NRXN1: variants seen among roughly 807,000 people sequenced by gnomAD.
NRXN1 encodes neurexin 1.
Under a neutral mutation model 150.9 loss-of-function variants are expected in NRXN1, and 39 were observed. The ratio of observed to expected loss-of-function variants is 0.26; its 90% confidence interval spans 0.20 to 0.34. NRXN1 has a LOEUF of 0.34. Ranked by LOEUF, NRXN1 falls within the 10% of genes least tolerant of loss-of-function variation. The pLI, the probability that NRXN1 is intolerant of heterozygous loss-of-function variation, is 1.00. For missense variants in NRXN1, 1,815 were observed against 1,949.9 expected (o/e 0.93, Z 1.30); for synonymous variants, 924 against 757.0 (o/e 1.22, Z -3.62).
chr2:50,831,172 T>C (rs1317227169), intron 5 of NRXN1, among the ~76,000 whole-genome samples: 2 of 152,044 alleles, frequency 1.3e-5, no homozygotes, highest in East Asian at 1.9e-4. Context: ...AAATAAAGAG[T>C]AGAATGGATA....
intron 2 of NRXN1, among the ~76,000 whole-genome samples, chr2:50,961,669 C>T (rs1020376912): frequency 6.6e-6 from 1 of 151,744 alleles, no homozygotes; most frequent in African/African-American, 2.4e-5. Flanking sequence ...GTAATATCAT[C>T]AATCAGATCA....
intron 8 of NRXN1, among the ~76,000 whole-genome samples, chr2:50,574,740 GT>G (rs1671142988): frequency 6.6e-6 from 1 of 152,160 alleles, no homozygotes; most frequent in Admixed American, 6.5e-5. Flanking sequence ...ACACCATACG[GT>G]AGTATTCTGG....
intron 2 of NRXN1, among the ~76,000 whole-genome samples, chr2:50,946,891 A>G (rs144481252): frequency 6.6e-6 from 1 of 152,292 alleles, no homozygotes; most frequent in East Asian, 1.9e-4. Context: ...TTTGCTGAAT[A>G]TTGCTTAAAC....
intron 2 of NRXN1, among the ~76,000 whole-genome samples, chr2:50,977,834 C>G (rs1261258996): frequency 6.6e-6 from 1 of 151,806 alleles, no homozygotes; most frequent in Non-Finnish European, 1.5e-5. Flanking sequence ...AAAGCACATA[C>G]TGCCTCATTC....
intron 5 of NRXN1, among the ~76,000 whole-genome samples, chr2:50,723,137 A>T (rs1696892167): frequency 6.6e-6 from 1 of 152,114 alleles, no homozygotes; most frequent in African/African-American, 2.4e-5. Flanking sequence ...CTTGGTGTAA[A>T]TCCCTGAAAG....
In NRXN1 at chr2:50,663,427, A is replaced by G. The variant is rs151126413; in HGVS notation, c.833-39812T>C. 2.0e-5 allele frequency among the ~76,000 whole-genome samples: 3 copies of G among 151,634 alleles called. No homozygotes were observed. The East Asian group carries it at 5.9e-4, about 30-fold the overall frequency. On this transcript the variant is annotated intron_variant, in intron 5 of 22. Coordinates refer to ENST00000401669, the MANE Select transcript of NRXN1 (RefSeq NM_001330078.2). The stretch of plus-strand genomic sequence containing the variant: ...TGTTCCCTCTGTTTTCAGTTTATTG[A>G]CCTCCTCTCCATGATCTCTGGTAAC...
Position 50,109,145 on chromosome 2 carries a change from G to C in NRXN1, c.3547-17651C>G, listed in dbSNP as rs1355969905. ...TGATGGATACATTAAAAATTATTAT[G>C]TTATTTTCTTTGTGTTAGAAAATGT... On this transcript the variant is annotated intron_variant, in intron 18 of 22. Coordinates refer to ENST00000401669, the MANE Select transcript of NRXN1 (RefSeq NM_001330078.2). Among the ~76,000 whole-genome samples the C allele has an allele frequency of 2.0e-5, 3 of 152,146 alleles. No individual in the cohort carries two copies. In the East Asian group the frequency reaches 5.8e-4, roughly 29 times the overall value.
At chr2:50,233,066 T>C (rs1043657253) in intron 18 of NRXN1, among the ~76,000 whole-genome samples, 1 of 118,304 alleles carries the variant, frequency 8.5e-6, no homozygotes, top group Non-Finnish European at 1.9e-5. Flanking sequence ...TACTTGACTG[T>C]TAAATAATTG....
chr2:50,342,610 A>G (rs1175605135), intron 17 of NRXN1, among the ~76,000 whole-genome samples: 1 of 152,244 alleles, frequency 6.6e-6, no homozygotes, highest in Non-Finnish European at 1.5e-5. Flanking sequence ...AGCAGAATCA[A>G]TGAAGTAATC....
Position 49,921,634 on chromosome 2 carries a change from C to T in NRXN1, c.*310G>A. The T allele has an allele frequency of 3.1e-6, 1 of 320,584 alleles. No individual in the cohort carries two copies. The highest frequency in any genetic ancestry group is 5.8e-6 in the Non-Finnish European group (1 of 171,876). 19.9% of individuals were successfully genotyped at this position (320,584 alleles called of 1,614,324 possible). On this transcript the variant is annotated 3_prime_UTR_variant, in exon 23 of 23. Transcript: ENST00000401669. ...GCCTTGATGCTGTAGTACTCCTTTGCTTTATGAATGCGTGCGGTCATCACT... is the reference window on the plus strand; with the variant it reads ...GCCTTGATGCTGTAGTACTCCTTTGTTTTATGAATGCGTGCGGTCATCACT...
At chr2:50,297,915 A>G (rs1195982486) in intron 17 of NRXN1, among the ~76,000 whole-genome samples, 1 of 152,180 alleles carries the variant, frequency 6.6e-6, no homozygotes, top group Non-Finnish European at 1.5e-5. Flanking sequence ...AGGATTAGAT[A>G]AAACAAAATC....
chr2:50,891,760 T>C (rs1259153643), intron 5 of NRXN1, among the ~76,000 whole-genome samples: 1 of 152,094 alleles, frequency 6.6e-6, no homozygotes. Flanking sequence ...ACCATAAGCC[T>C]GGATCAGGGT....
chr2:50,907,743 T>C (rs558642645), intron 5 of NRXN1, among the ~76,000 whole-genome samples: 8 of 151,996 alleles, frequency 5.3e-5, no homozygotes, highest in Non-Finnish European at 1.0e-4. Flanking sequence ...TCAAAAAAGA[T>C]AGAAAAGGAA....
chr2:50,971,865 A>C (rs926122892), intron 2 of NRXN1, among the ~76,000 whole-genome samples: 3 of 152,066 alleles, frequency 2.0e-5, no homozygotes, highest in Non-Finnish European at 4.4e-5. Context: ...TCTCTCATTT[A>C]CCTTTAAATA....
intron 16 of NRXN1, among the ~76,000 whole-genome samples, chr2:50,470,874 G>A (rs2089389201): frequency 6.6e-6 from 1 of 151,762 alleles, no homozygotes; most frequent in Non-Finnish European, 1.5e-5. Context: ...ATCTTGGTCT[G>A]ATAGAGAGCA....
intron 18 of NRXN1, among the ~76,000 whole-genome samples, chr2:50,106,970 T>C (rs539543083): frequency 3.3e-5 from 5 of 151,952 alleles, no homozygotes; most frequent in Non-Finnish European, 5.9e-5. Context: ...ACCACCAAAA[T>C]GCACTGATTA....
chr2:50,290,539 A>C (rs1483807550), intron 17 of NRXN1, among the ~76,000 whole-genome samples: 1 of 152,154 alleles, frequency 6.6e-6, no homozygotes, highest in African/African-American at 2.4e-5. Context: ...TAAACTGAGA[A>C]AATAATGTCT....
At chr2:49,947,096 C>T (rs1026454483) in intron 21 of NRXN1, among the ~76,000 whole-genome samples, 1 of 152,120 alleles carries the variant, frequency 6.6e-6, no homozygotes, top group Admixed American at 6.6e-5. Context: ...CTCCAATTCC[C>T]TCCAGAGGAG....
chr2:50,459,863 T>C (rs2087981609), intron 17 of NRXN1, among the ~76,000 whole-genome samples: 2 of 152,050 alleles, frequency 1.3e-5, no homozygotes, highest in Non-Finnish European at 2.9e-5. Context: ...ACTTAATGGC[T>C]CCAAGTGTCA....
Sources: allele counts gnomAD v4.1 joint callset (sites outside exome capture counted in the v4.1 genomes callset), GRCh38; gene constraint gnomAD v4.1.1; transcripts MANE v1.5; gene names NCBI Gene and HGNC (gene_info 2026-07-23, HGNC 2026-07-21).